CNTN5: variants seen among roughly 807,000 people sequenced by gnomAD.
CNTN5 encodes the protein contactin-5.
A neutral mutation model predicts 129.1 loss-of-function variants in CNTN5; 77 were observed. The observed-to-expected ratio is 0.60, with a 90% CI of 0.50 to 0.72. The LOEUF is 0.72. Ranked by LOEUF, CNTN5 falls within the 30% of genes least tolerant of loss-of-function variation. The pLI is 0.00. For synonymous variants in CNTN5, 509 were observed against 465.6 expected (o/e 1.09, Z -1.20); for missense variants, 1,478 against 1,328.8 (o/e 1.11, Z -1.75).
chr11:99,804,874 A>G (rs1229667568), intron 3 of CNTN5, among the ~76,000 whole-genome samples: 1 of 150,600 alleles, frequency 6.6e-6, no homozygotes, highest in Non-Finnish European at 1.5e-5. Flanking sequence ...TTATACATAT[A>G]TATGAGAAAA....
chr11:99,037,555 T>G (rs1422476948), intron 1 of CNTN5, among the ~76,000 whole-genome samples: 2 of 150,766 alleles, frequency 1.3e-5, no homozygotes, highest in African/African-American at 4.9e-5. Flanking sequence ...CTGGGACATA[T>G]TTTTCCTTCT....
intron 1 of CNTN5, among the ~76,000 whole-genome samples, chr11:99,283,293 A>C (rs1863779995): frequency 6.6e-6 from 1 of 152,088 alleles, no homozygotes; most frequent in African/African-American, 2.4e-5. Context: ...ACTTCTGAAA[A>C]ATTTTAGCTA....
At chr11:99,450,768 G>GTTTTTTTTTTTT (rs34146715) in intron 2 of CNTN5, among the ~76,000 whole-genome samples, 5 of 105,002 alleles carry the variant, frequency 4.8e-5, no homozygotes, top group Admixed American at 1.1e-4. Flanking sequence ...ATTGAAGCAA[G>GTTTTTTTTTTTT]TTTTTTTTTT....
At chr11:99,620,858 A>G (rs1031385921) in intron 3 of CNTN5, among the ~76,000 whole-genome samples, 3 of 152,194 alleles carry the variant, frequency 2.0e-5, no homozygotes, top group Non-Finnish European at 4.4e-5. Flanking sequence ...TTGAAAGTAA[A>G]TATACACCAA....
intron 2 of CNTN5, among the ~76,000 whole-genome samples, chr11:99,404,883 G>C (rs184086847): frequency 1.8e-4 from 28 of 152,152 alleles, no homozygotes; most frequent in Non-Finnish European, 3.2e-4. Context: ...ACTCCCTTTA[G>C]CATTTCTTAT....
Position 99,021,154 on chromosome 11 carries a change from C to T in CNTN5, c.-326C>T, listed in dbSNP as rs1019679389. ...TAAGAACTCCGCAATTCGCCTCTGC[C>T]ACAGGCTGCAAAGGACCCGAGGAAC... On this transcript the variant is annotated 5_prime_UTR_variant, in exon 1 of 25. Transcript: ENST00000524871. 1.3e-5 allele frequency: 2 copies of T among 152,470 alleles called. No homozygotes were observed. Among genetic ancestry groups the T allele is most frequent in the Admixed American group, 6.5e-5 (1 of 15,282 alleles). The allele number at this position is 152,470 out of a possible 1,614,324, so 9.4% of individuals were successfully genotyped here.
At chr11:99,265,955 A>G (rs957052957) in intron 1 of CNTN5, among the ~76,000 whole-genome samples, 1 of 152,100 alleles carries the variant, frequency 6.6e-6, no homozygotes, top group African/African-American at 2.4e-5. Context: ...AGAAACAGAT[A>G]CATAAACAGA....
At chr11:99,285,974 G>T (rs2135904418) in intron 1 of CNTN5, among the ~76,000 whole-genome samples, 1 of 140,980 alleles carries the variant, frequency 7.1e-6, no homozygotes, top group South Asian at 2.4e-4. Flanking sequence ...GGAGGCAGAG[G>T]TTGTAGCGAG....
intron 13 of CNTN5, among the ~76,000 whole-genome samples, chr11:100,151,605 A>T (rs1414428106): frequency 2.0e-5 from 3 of 152,186 alleles, no homozygotes; most frequent in Non-Finnish European, 4.4e-5. Flanking sequence ...TAATTTGAAC[A>T]GATATTACCA....
intron 3 of CNTN5, among the ~76,000 whole-genome samples, chr11:99,790,849 A>G (rs1192667657): frequency 4.6e-5 from 7 of 152,076 alleles, no homozygotes; most frequent in Admixed American, 2.0e-4. Context: ...TTGACATTTT[A>G]TTAATTGCCA....
At chr11:99,867,038 C>G (rs1273400883) in intron 6 of CNTN5, among the ~76,000 whole-genome samples, 1 of 152,170 alleles carries the variant, frequency 6.6e-6, no homozygotes, top group Non-Finnish European at 1.5e-5. Flanking sequence ...TTGAAGAAGT[C>G]TTCAATCCCA....
At chr11:99,509,831 A>G (rs549562600) in intron 2 of CNTN5, among the ~76,000 whole-genome samples, 46 of 152,074 alleles carry the variant, frequency 3.0e-4, no homozygotes, top group African/African-American at 9.6e-4. Context: ...AACTTAGAAA[A>G]AGTATTCCCT....
At chr11:99,833,693 A>G (rs1947217074) in intron 4 of CNTN5, among the ~76,000 whole-genome samples, 1 of 152,200 alleles carries the variant, frequency 6.6e-6, no homozygotes, top group South Asian at 2.1e-4. Context: ...TACTGCTCCT[A>G]GAAACTCCAC....
chr11:99,447,322 C>T (rs183112536), intron 2 of CNTN5, among the ~76,000 whole-genome samples: 6 of 152,192 alleles, frequency 3.9e-5, no homozygotes, highest in Admixed American at 1.3e-4. Context: ...TTTAGGCACA[C>T]GATTTTTCAT....
intron 9 of CNTN5, among the ~76,000 whole-genome samples, chr11:100,054,130 G>A (rs1446361392): frequency 1.3e-5 from 2 of 151,684 alleles, no homozygotes; most frequent in East Asian, 3.9e-4. Flanking sequence ...TAATTTTCCT[G>A]ATTGTTCTCA....
chr11:99,736,227 C>T (rs79336695), intron 3 of CNTN5, among the ~76,000 whole-genome samples: 2,771 of 152,284 alleles, frequency 0.018, 79 homozygotes, highest in African/African-American at 0.062. Flanking sequence ...CACCTATGAA[C>T]AGTGTAACAG....
chr11:99,921,862 C>G (rs1949948059), intron 7 of CNTN5, among the ~76,000 whole-genome samples: 1 of 152,098 alleles, frequency 6.6e-6, no homozygotes, highest in Admixed American at 6.6e-5. Context: ...AAAAACAGAT[C>G]AGCTATGTAA....
intron 3 of CNTN5, among the ~76,000 whole-genome samples, chr11:99,682,839 A>C (rs1953617841): frequency 6.6e-6 from 1 of 151,972 alleles, no homozygotes; most frequent in Non-Finnish European, 1.5e-5. Flanking sequence ...GATGAGACAA[A>C]CGGTGTTGTT....
intron 6 of CNTN5, among the ~76,000 whole-genome samples, chr11:99,888,188 C>T (rs1232961046): frequency 6.6e-6 from 1 of 152,072 alleles, no homozygotes; most frequent in African/African-American, 2.4e-5. Context: ...GTTCCATGCA[C>T]TTATCTGTCA....
Sources: gnomAD v4.1 joint callset for allele counts (sites outside exome capture counted in the v4.1 genomes callset) on GRCh38, gnomAD v4.1.1 for gene constraint, MANE v1.5 for transcripts, NCBI Gene and HGNC (gene_info 2026-07-23, HGNC 2026-07-21) for gene names.